The following IMMP1L variants were observed in gnomAD, a reference collection of about 807,000 sequenced individuals.
The protein encoded by IMMP1L is mitochondrial inner membrane protease subunit 1.
In IMMP1L, 24 loss-of-function variants were observed where a neutral mutation model predicts 21.8. The ratio of observed to expected loss-of-function variants is 1.10; its 90% CI spans 0.80 to 1.55. The LOEUF (loss-of-function observed/expected upper bound fraction) is 1.55. Among genes scored for constraint, IMMP1L ranks in the 40% most tolerant of loss-of-function variants. The pLI, the probability that IMMP1L is intolerant of heterozygous loss-of-function variation, is 0.00. For synonymous variants in IMMP1L, 46 were observed against 62.8 expected (o/e 0.73, Z 1.26); for missense variants, 195 against 200.7 (o/e 0.97, Z 0.17).
At chr11:31,441,614 G>A (rs1159393659) in intron 4 of IMMP1L, among the ~76,000 whole-genome samples, 1 of 151,908 alleles carries the variant, frequency 6.6e-6, no homozygotes, top group Non-Finnish European at 1.5e-5. Context: ...TTTAAACACA[G>A]TTATTGTCTG....
chr11:31,462,238 C>A (rs1954168012), intron 2 of IMMP1L, among the ~76,000 whole-genome samples: 1 of 151,548 alleles, frequency 6.6e-6, no homozygotes, highest in Non-Finnish European at 1.5e-5. Flanking sequence ...TTGTTTTGAG[C>A]CCAGCAGGCA....
At chr11:31,450,797 G>A (rs1953728104) in intron 4 of IMMP1L, among the ~76,000 whole-genome samples, 2 of 152,112 alleles carry the variant, frequency 1.3e-5, no homozygotes, top group South Asian at 4.1e-4. Context: ...AAAAGGAGTA[G>A]AAGTAGAAAA....
intron 4 of IMMP1L, among the ~76,000 whole-genome samples, chr11:31,450,444 A>G (rs1346282798): frequency 1.3e-5 from 2 of 152,214 alleles, no homozygotes; most frequent in African/African-American, 4.8e-5. Flanking sequence ...TGATAAGTCA[A>G]TTCAGAGCCT....
At chr11:31,506,945 C>T (rs1318356239) in intron 1 of IMMP1L, among the ~76,000 whole-genome samples, 1 of 150,518 alleles carries the variant, frequency 6.6e-6, no homozygotes, top group Admixed American at 6.6e-5. Context: ...GGCAACAGAG[C>T]GAGACTCCGT....
chr11:31,446,704 C>G (rs780303411), intron 4 of IMMP1L, among the ~76,000 whole-genome samples: 4 of 152,206 alleles, frequency 2.6e-5, no homozygotes, highest in Non-Finnish European at 4.4e-5. Flanking sequence ...CTTTGACTAA[C>G]TCCTACTTAC....
intron 4 of IMMP1L, among the ~76,000 whole-genome samples, chr11:31,439,060 T>C (rs1009805116): frequency 6.6e-6 from 1 of 152,198 alleles, no homozygotes; most frequent in African/African-American, 2.4e-5. Context: ...TTGTATGTAA[T>C]ATATTTTTTC....
intron 1 of IMMP1L, among the ~76,000 whole-genome samples, chr11:31,500,372 G>T (rs562321890): frequency 6.6e-6 from 1 of 151,818 alleles, no homozygotes; most frequent in Non-Finnish European, 1.5e-5. Flanking sequence ...GTAATTCAGG[G>T]AGGAAAAAAA....
intron 1 of IMMP1L, among the ~76,000 whole-genome samples, chr11:31,474,830 C>T (rs1259612919): frequency 6.6e-6 from 1 of 152,042 alleles, no homozygotes; most frequent in African/African-American, 2.4e-5. Flanking sequence ...TAATATCAAC[C>T]AAAATTAAAA....
intron 1 of IMMP1L, among the ~76,000 whole-genome samples, chr11:31,498,379 G>A (rs886494416): frequency 3.3e-5 from 5 of 152,044 alleles, no homozygotes; most frequent in African/African-American, 1.2e-4. Flanking sequence ...TTTAATCTGG[G>A]TTGAAACTGA....
At chr11:31,501,308 T>C (rs1198302767) in intron 1 of IMMP1L, among the ~76,000 whole-genome samples, 4 of 152,156 alleles carry the variant, frequency 2.6e-5, no homozygotes, top group Non-Finnish European at 5.9e-5. Flanking sequence ...CCCAGTGCAA[T>C]AGTGTTGAGA....
chr11:31,506,922 T>C lies in IMMP1L; in HGVS notation c.-30+2597A>G, dbSNP rs561361432. Reference sequence around the variant, plus strand: ...TTGCAGTAAGCCGAGATCATGCCACTGCACTCCAGCCTGGCAACAGAGCGA... The same window carrying C: ...TTGCAGTAAGCCGAGATCATGCCACCGCACTCCAGCCTGGCAACAGAGCGA... On this transcript the variant is annotated intron_variant, in intron 1 of 5. Transcript: ENST00000532287. 2.1e-4 allele frequency among the ~76,000 whole-genome samples: 32 copies of C among 151,664 alleles called. No individual in the cohort carries two copies. The East Asian group carries it at 3.3e-3, about 16-fold the overall frequency.
intron 1 of IMMP1L, among the ~76,000 whole-genome samples, chr11:31,472,310 C>G (rs1225617808): frequency 6.6e-6 from 1 of 152,202 alleles, no homozygotes; most frequent in Non-Finnish European, 1.5e-5. Flanking sequence ...CTCAGACCAG[C>G]ATCAATATGG....
At chr11:31,489,079 A>G (rs1955173527) in intron 1 of IMMP1L, among the ~76,000 whole-genome samples, 1 of 151,772 alleles carries the variant, frequency 6.6e-6, no homozygotes, top group Admixed American at 6.6e-5. Context: ...TTGTATTTTT[A>G]GTAGAGACGG....
intron 1 of IMMP1L, among the ~76,000 whole-genome samples, chr11:31,491,299 GCTATCAC>G (rs1955247330): frequency 6.6e-6 from 1 of 152,174 alleles, no homozygotes; most frequent in Non-Finnish European, 1.5e-5. Context: ...GGTAAAGAAA[GCTATCAC>G]CTTAAAGAAT....
chr11:31,460,567 G>T, intron 3 of IMMP1L, 59 bp downstream of exon 3: 1 of 1,016,246 alleles, frequency 9.8e-7, no homozygotes, highest in Admixed American at 1.9e-5. Flanking sequence ...CTGCAGAAAA[G>T]CCACAATGTG....
chr11:31,483,723 A>G (rs1209334747), intron 1 of IMMP1L, among the ~76,000 whole-genome samples: 2 of 151,984 alleles, frequency 1.3e-5, no homozygotes, highest in East Asian at 1.9e-4. Flanking sequence ...CCCAAATTTC[A>G]TAAGCGTTAG....
At chr11:31,485,677 G>T (rs989674550) in intron 1 of IMMP1L, among the ~76,000 whole-genome samples, 9 of 151,826 alleles carry the variant, frequency 5.9e-5, no homozygotes, top group African/African-American at 1.4e-4. Flanking sequence ...GGAAGGCACT[G>T]ACAACAAAAA....
chr11:31,501,397 G>T (rs1183437488), intron 1 of IMMP1L, among the ~76,000 whole-genome samples: 3 of 152,120 alleles, frequency 2.0e-5, no homozygotes, highest in Non-Finnish European at 4.4e-5. Context: ...AAATGAGATT[G>T]AGGCTGAGAG....
At chr11:31,502,055 A>C (rs1955637232) in intron 1 of IMMP1L, among the ~76,000 whole-genome samples, 1 of 152,096 alleles carries the variant, frequency 6.6e-6, no homozygotes. Context: ...ATATCACCGA[A>C]ATAGATATTT....
Sources: allele counts gnomAD v4.1 joint callset (sites outside exome capture counted in the v4.1 genomes callset), GRCh38; gene constraint gnomAD v4.1.1; transcripts MANE v1.5; gene names NCBI Gene and HGNC (gene_info 2026-07-23, HGNC 2026-07-21).